Variants in RPS26 observed in about 807,000 individuals in gnomAD.
The protein encoded by RPS26 is small ribosomal subunit protein eS26.
A neutral mutation model predicts 14.7 loss-of-function variants in RPS26; 1 was observed. That is an observed-to-expected ratio of 0.07 (90% CI 0.02 to 0.32). The LOEUF is 0.32. Ranked by LOEUF, RPS26 falls within the 10% of genes least tolerant of loss-of-function variation. RPS26 has a pLI of 1.00. For synonymous variants in RPS26, 59 were observed against 53.1 expected (o/e 1.11, Z -0.48); for missense variants, 63 against 157.7 (o/e 0.40, Z 3.22).
rs1218281370 is a variant in RPS26, at chr12:56,044,335, T to C, written c.*181T>C. The C allele has an allele frequency of 1.8e-6, 1 of 550,140 alleles. No individual in the cohort carries two copies. Among genetic ancestry groups the C allele is most frequent in the African/African-American group, 2.0e-5 (1 of 50,264 alleles). The allele number at this position is 550,140 out of a possible 1,614,324, so 34.1% of individuals were successfully genotyped here. ...GGGAAGAAAGCTTATTCATGTAATTTAATTTTTTTCTTTTTTTTTTTTTTT... is the reference window on the plus strand; with the variant it reads ...GGGAAGAAAGCTTATTCATGTAATTCAATTTTTTTCTTTTTTTTTTTTTTT... On this transcript the variant is annotated 3_prime_UTR_variant, in exon 4 of 4. Coordinates refer to ENST00000646449, the MANE Select transcript of RPS26 (RefSeq NM_001029.5).
Position 56,042,088 on chromosome 12 carries a change from G to T in RPS26, c.-79G>T. ...AAGCCCGTCTCCTAAGGATTCTCCC[G>T]GTGTCCGCGTAGGGATCTCATGCTA... On this transcript the variant is annotated 5_prime_UTR_variant, in exon 1 of 4. Coordinates refer to ENST00000646449, the MANE Select transcript of RPS26 (RefSeq NM_001029.5). 3 of 1,450,954 alleles carry T rather than the reference G, an allele frequency of 2.1e-6. No homozygotes were observed. The highest frequency in any genetic ancestry group is 2.9e-6 in the Non-Finnish European group (3 of 1,031,096). The allele number at this position is 1,450,954 out of a possible 1,614,324, so 89.9% of individuals were successfully genotyped here. A position where few individuals can be genotyped will look rare whatever the true frequency, so the allele number is the denominator to read the frequency against.
chr12:56,042,622 G>A lies in RPS26; in HGVS notation c.181+20G>A. 6.3e-7 allele frequency: 1 copy of A among 1,593,774 alleles called. No homozygotes were observed. Among genetic ancestry groups the A allele is most frequent in the South Asian group, 1.1e-5 (1 of 90,978 alleles). On this transcript the variant is annotated intron_variant, in intron 2 of 3. Coordinates refer to ENST00000646449, the MANE Select transcript of RPS26 (RefSeq NM_001029.5). The stretch of plus-strand genomic sequence containing the variant: ...TCGATGGTAAGTGGGTCACCGGCGC[G>A]AACTGTGTGAGGATCCCAGTATCTT...
intron 2 of RPS26, 54 bp downstream of exon 2, chr12:56,042,656 C>A (rs1055893360): frequency 1.4e-6 from 2 of 1,459,500 alleles, no homozygotes; most frequent in Non-Finnish European, 1.9e-6. Flanking sequence ...TTAAAGCCTT[C>A]GCCCAACTTC....
rs1402254631 is a variant in RPS26, at chr12:56,043,194, C to T, written c.182-169C>T. 5 of 638,240 alleles carry T rather than the reference C, an allele frequency of 7.8e-6. No individual in the cohort carries two copies. In the East Asian group the frequency reaches 8.7e-5, roughly 11 times the overall value. The allele number at this position is 638,240 out of a possible 1,614,324, so 39.5% of individuals were successfully genotyped here. A position where few individuals can be genotyped will look rare whatever the true frequency, so the allele number is the denominator to read the frequency against. On this transcript the variant is annotated intron_variant, in intron 2 of 3. Transcript: ENST00000646449. ...TAAAACTGAGGGTTATACATATGTG[C>T]TCAGGTATTGGGCTGAACAGGTGCT...
In RPS26 at chr12:56,044,342, TTTC is replaced by T; in HGVS notation, c.*191_*193del. 7.6e-6 allele frequency: 4 copies of T among 522,910 alleles called. No homozygotes were observed. The highest frequency in any genetic ancestry group is 2.4e-5 in the South Asian group (1 of 41,430). The allele number at this position is 522,910 out of a possible 1,614,324, so 32.4% of individuals were successfully genotyped here. ...AAGCTTATTCATGTAATTTAATTTT[TTTC>T]TTTTTTTTTTTTTTTTTTTTGAGAC... On this transcript the variant is annotated 3_prime_UTR_variant, in exon 4 of 4. Coordinates refer to ENST00000646449, the MANE Select transcript of RPS26 (RefSeq NM_001029.5).
intron 2 of RPS26, 174 bp from the exon 3 acceptor site, chr12:56,043,189 A>C (rs991820209): frequency 3.2e-6 from 2 of 624,452 alleles, no homozygotes; most frequent in African/African-American, 1.8e-5. Flanking sequence ...GGTTATACAT[A>C]TGTGCTCAGG....
rs774069244 is a variant in RPS26 at position 56,042,615 on chromosome 12, C to T, written c.181+13C>T. 6.3e-7 allele frequency: 1 copy of T among 1,596,192 alleles called. No homozygotes were observed. The highest frequency in any genetic ancestry group is 2.2e-5 in the East Asian group (1 of 44,866). ...AGCGTCTTCGATGGTAAGTGGGTCA[C>T]CGGCGCGAACTGTGTGAGGATCCCA... On this transcript the variant is annotated intron_variant, in intron 2 of 3. Transcript: ENST00000646449.
rs778224908 is a variant in RPS26, at chr12:56,042,542, A to C, written c.121A>C (p.Ile41Leu). Reference protein sequence around the residue: ...PKDKAIKKFVIRNIVEAAAVR... With the variant: ...PKDKAIKKFVLRNIVEAAAVR... Reference sequence around the variant, plus strand: ...GGACAAGGCCATTAAGAAATTCGTCATTCGAAACATAGTGGAGGCCGCAGC... The same window carrying C: ...GGACAAGGCCATTAAGAAATTCGTCCTTCGAAACATAGTGGAGGCCGCAGC... Residue 41 changes from isoleucine to leucine, a missense_variant, in exon 2 of 4, where the codon ATT (isoleucine) becomes CTT (leucine). Transcript: ENST00000646449. 6.2e-7 allele frequency: 1 copy of C among 1,600,840 alleles called. No individual in the cohort carries two copies. The highest frequency in any genetic ancestry group is 2.2e-5 in the East Asian group (1 of 44,878).
chr12:56,043,595 G>A, intron 3 of RPS26, 102 bp downstream of exon 3: 2 of 1,203,560 alleles, frequency 1.7e-6, no homozygotes, highest in Non-Finnish European at 2.4e-6. Flanking sequence ...CACTTTGGGA[G>A]GCTGGGACAA....
intron 3 of RPS26, among the ~76,000 whole-genome samples, chr12:56,043,776 C>G (rs982096817): frequency 2.6e-5 from 4 of 151,508 alleles, no homozygotes; most frequent in African/African-American, 7.3e-5. Context: ...ATACCACTTG[C>G]GCTCCAGCCA....
Position 56,042,176 on chromosome 12 carries a change from C to G in RPS26, c.3+7C>G, listed in dbSNP as rs115750993. 4.3e-5 allele frequency: 70 copies of G among 1,614,070 alleles called. 1 individual carries two copies. In the Admixed American group the frequency reaches 7.8e-4, roughly 18 times the overall value. ...GGTCCGTGCCTCCAAGATGGTGAGT[C>G]TTCTTGCGTGGTGAGGGTGGGGGTT... is the stretch of plus-strand genomic sequence containing the variant. On this transcript the variant is annotated splice_region_variant and intron_variant, in intron 1 of 3. Coordinates refer to ENST00000646449, the MANE Select transcript of RPS26 (RefSeq NM_001029.5).
chr12:56,042,972 T>G, intron 2 of RPS26: 4 of 413,310 alleles, frequency 9.7e-6, no homozygotes, highest in South Asian at 8.8e-5. Context: ...CCGTCTAGTT[T>G]GGTGTGCAAG....
Position 56,044,345 on chromosome 12 carries a change from C to CTTTTT in RPS26, c.*207_*211dup, listed in dbSNP as rs1191650736. The CTTTTT allele has an allele frequency of 5.6e-5, 15 of 266,868 alleles. No individual in the cohort carries two copies. The highest frequency in any genetic ancestry group is 1.3e-4 in the African/African-American group (3 of 23,536). 16.5% of individuals were successfully genotyped at this position (266,868 alleles called of 1,614,324 possible). A position where few individuals can be genotyped will look rare whatever the true frequency, so the allele number is the denominator to read the frequency against. On this transcript the variant is annotated 3_prime_UTR_variant, in exon 4 of 4. Coordinates refer to ENST00000646449, the MANE Select transcript of RPS26 (RefSeq NM_001029.5). ...CTTATTCATGTAATTTAATTTTTTT[C>CTTTTT]TTTTTTTTTTTTTTTTTTTTGAGAC... is the stretch of plus-strand genomic sequence containing the variant.
intron 2 of RPS26, 99 bp from the exon 3 acceptor site, chr12:56,043,264 G>A: frequency 8.2e-7 from 1 of 1,215,492 alleles, no homozygotes; most frequent in Non-Finnish European, 1.2e-6. Flanking sequence ...AATAGGTTTA[G>A]TTTTAATTGA....
chr12:56,043,557 T>G (rs916139894), intron 3 of RPS26, 64 bp downstream of exon 3: 15 of 1,561,022 alleles, frequency 9.6e-6, no homozygotes, highest in Non-Finnish European at 1.1e-5. Context: ...TCCTGGAGGG[T>G]CAGGGTGTCC....
In RPS26 at chr12:56,044,286, G is replaced by GAAGTGAC. The variant is rs1895933470; in HGVS notation, c.*134_*140dup. ...GGATTTTGTGTGTTAGACCAAGTGTGAAGTGACACACATTATTTTCATGGG... is the reference window on the plus strand; with the variant it reads ...GGATTTTGTGTGTTAGACCAAGTGTGAAGTGACAAGTGACACACATTATTTTCATGGG... On this transcript the variant is annotated 3_prime_UTR_variant, in exon 4 of 4. Coordinates refer to ENST00000646449, the MANE Select transcript of RPS26 (RefSeq NM_001029.5). 1.5e-6 allele frequency: 1 copy of GAAGTGAC among 688,264 alleles called. No individual in the cohort carries two copies. Among genetic ancestry groups the GAAGTGAC allele is most frequent in the African/African-American group, 1.8e-5 (1 of 55,796 alleles). 42.6% of individuals were successfully genotyped at this position (688,264 alleles called of 1,614,324 possible).
In RPS26 at chr12:56,044,573, AC is replaced by A. The variant is rs1895939209; in HGVS notation, c.*421del. Reference sequence around the variant, plus strand: ...TGTCCAGGCTGGTCTTGAACTTCTGACCTCAGTTAATCCACCAGCCTTGGCC... The same window carrying A: ...TGTCCAGGCTGGTCTTGAACTTCTGACTCAGTTAATCCACCAGCCTTGGCC... On this transcript the variant is annotated 3_prime_UTR_variant, in exon 4 of 4. Coordinates refer to ENST00000646449, the MANE Select transcript of RPS26 (RefSeq NM_001029.5). 1 of 183,920 alleles carries A rather than the reference AC, an allele frequency of 5.4e-6. No individual in the cohort carries two copies. Among genetic ancestry groups the A allele is most frequent in the Admixed American group, 5.6e-5 (1 of 17,748 alleles). 11.4% of individuals were successfully genotyped at this position (183,920 alleles called of 1,614,324 possible). A position where few individuals can be genotyped will look rare whatever the true frequency, so the allele number is the denominator to read the frequency against.
At position 56,042,578 on chromosome 12, in the gene RPS26, A is replaced by G. The variant is rs1295092646; in HGVS notation, c.157A>G (p.Ile53Val). 5 of 1,598,988 alleles carry G rather than the reference A, an allele frequency of 3.1e-6. No homozygotes were observed. Among genetic ancestry groups the G allele is most frequent in the Middle Eastern group, 3.3e-4 (2 of 6,060 alleles). Residue 53 changes from isoleucine (I) to valine (V), a missense_variant, in exon 2 of 4, where the codon ATT becomes GTT. Ile to Val is a conservative substitution (Grantham distance 29). Coordinates refer to ENST00000646449, the MANE Select transcript of RPS26 (RefSeq NM_001029.5). ...AGTGGAGGCCGCAGCAGTCAGGGAC[A>G]TTTCTGAAGCGAGCGTCTTCGATGG... ...NIVEAAAVRDISEASVFDAYV... is the reference protein window; with the variant it reads ...NIVEAAAVRDVSEASVFDAYV...
At chr12:56,042,834 G>GT (rs1226891218) in intron 2 of RPS26, 10 of 591,118 alleles carry the variant, frequency 1.7e-5, no homozygotes, top group Non-Finnish European at 3.0e-5. Flanking sequence ...AGGTTTGCCT[G>GT]TTTCGGTTAT....
Sources: allele counts gnomAD v4.1 joint callset (sites outside exome capture counted in the v4.1 genomes callset), GRCh38; gene constraint gnomAD v4.1.1; transcripts MANE v1.5; gene names NCBI Gene and HGNC (gene_info 2026-07-23, HGNC 2026-07-21).